THSD4: variants seen among roughly 807,000 people sequenced by gnomAD.
THSD4 encodes the protein thrombospondin type 1 domain containing 4.
A neutral mutation model predicts 119.0 loss-of-function variants in THSD4; 69 were observed. The observed-to-expected ratio is 0.58, with a 90% CI of 0.48 to 0.71. The LOEUF (loss-of-function observed/expected upper bound fraction) is 0.71. THSD4 is among the 30% of genes least tolerant of loss of function. The probability of loss-of-function intolerance (pLI) is 0.00; values close to 1 mark genes in which losing one functional copy is unlikely to be tolerated. For synonymous variants in THSD4, 524 were observed against 540.4 expected (o/e 0.97, Z 0.42); for missense variants, 1,393 against 1,391.1 (o/e 1.00, Z -0.02).
intron 8 of THSD4, among the ~76,000 whole-genome samples, chr15:71,678,251 G>C (rs1323713012): frequency 6.6e-6 from 1 of 152,230 alleles, no homozygotes; most frequent in Non-Finnish European, 1.5e-5. Flanking sequence ...TAAGCCCCAA[G>C]AAGAGATATC....
intron 6 of THSD4, among the ~76,000 whole-genome samples, chr15:71,334,413 T>TG: frequency 6.6e-6 from 1 of 152,180 alleles, no homozygotes; most frequent in African/African-American, 2.4e-5. Flanking sequence ...CAGAAGAATT[T>TG]GGGGATTCAG....
intron 4 of THSD4, among the ~76,000 whole-genome samples, chr15:71,224,501 G>A (rs1485468316): frequency 1.3e-5 from 2 of 152,244 alleles, no homozygotes; most frequent in African/African-American, 4.8e-5. Flanking sequence ...GGGTTAACTG[G>A]GGACTAAGGC....
rs191088894 is a variant in THSD4, at chr15:71,254,216, G to A, written c.913-2397G>A. Among the ~76,000 whole-genome samples, 239 of 152,318 alleles carry A rather than the reference G, an allele frequency of 1.6e-3. 1 individual carries two copies. Among genetic ancestry groups the A allele is most frequent in the African/African-American group, 5.1e-3 (211 of 41,578 alleles). ...TTTCTGCTACGAAGACCTGCGGCCC[G>A]GCAGCCGATCTCTAGTTCTGATTAT... On this transcript the variant is annotated intron_variant, in intron 5 of 17. Transcript: ENST00000261862.
At chr15:71,437,110 T>C (rs2047023161) in intron 7 of THSD4, among the ~76,000 whole-genome samples, 1 of 133,544 alleles carries the variant, frequency 7.5e-6, no homozygotes, top group South Asian at 2.4e-4. Flanking sequence ...CTTACAATTA[T>C]GGTGGAAGGT....
intron 6 of THSD4, among the ~76,000 whole-genome samples, chr15:71,346,291 A>G (rs1055272378): frequency 6.6e-6 from 1 of 152,214 alleles, no homozygotes; most frequent in East Asian, 1.9e-4. Context: ...TTTTGGCAGG[A>G]AAATAACAGA....
chr15:71,512,456 A>G (rs1196368897), intron 7 of THSD4, among the ~76,000 whole-genome samples: 1 of 152,260 alleles, frequency 6.6e-6, no homozygotes, highest in Non-Finnish European at 1.5e-5. Flanking sequence ...ACAGTAAAAC[A>G]TATATAATGG....
intron 7 of THSD4, among the ~76,000 whole-genome samples, chr15:71,505,130 G>T (rs1276113006): frequency 6.6e-6 from 1 of 152,162 alleles, no homozygotes; most frequent in Non-Finnish European, 1.5e-5. Flanking sequence ...TATTCATCTT[G>T]ATGAATCTTG....
At chr15:71,272,339 A>C (rs139776178) in intron 6 of THSD4, among the ~76,000 whole-genome samples, 1,763 of 145,942 alleles carry the variant, frequency 0.012, 36 homozygotes, top group African/African-American at 0.042. Context: ...TGGAGGTTAC[A>C]GTGAGCTGAG....
At chr15:71,724,287 A>ATATATATATATATATATATATATGTT in intron 8 of THSD4, among the ~76,000 whole-genome samples, 1 of 37,288 alleles carries the variant, frequency 2.7e-5, no homozygotes, top group African/African-American at 6.6e-5. Flanking sequence ...ATATATATAT[A>ATATATATATATATATATATATATGTT]TTTTTTTTTT....
intron 3 of THSD4, among the ~76,000 whole-genome samples, chr15:71,179,991 G>A (rs1043476417): frequency 2.1e-5 from 2 of 97,066 alleles, no homozygotes; most frequent in African/African-American, 7.9e-5. Context: ...GGGGACTGTG[G>A]TGGGGTCGGG....
chr15:71,451,500 C>T (rs1468732095), intron 7 of THSD4, among the ~76,000 whole-genome samples: 1 of 152,094 alleles, frequency 6.6e-6, no homozygotes, highest in East Asian at 1.9e-4. Context: ...TCTGCTGCTC[C>T]CCAAGTGCCT....
chr15:71,328,429 T>G (rs2045375087), intron 6 of THSD4, among the ~76,000 whole-genome samples: 1 of 152,232 alleles, frequency 6.6e-6, no homozygotes, highest in African/African-American at 2.4e-5. Flanking sequence ...GCCTAATGGT[T>G]CTGTTCCTCC....
rs368797229 is a variant in THSD4 at position 71,582,182 on chromosome 15, T to C, written c.1153-78348T>C. On this transcript the variant is annotated intron_variant, in intron 7 of 17. Transcript: ENST00000261862. ...TCTTCACTGTCTTTCTTCAATGTTT[T>C]ATAGTTTTCAGTGTACAGATCTTTT... Among the ~76,000 whole-genome samples the C allele has an allele frequency of 1.5e-4, 23 of 152,310 alleles. 1 individual carries two copies. The highest frequency in any genetic ancestry group is 3.3e-4 in the Admixed American group (5 of 15,304).
At chr15:71,764,726 G>C (rs1286333496) in intron 15 of THSD4, among the ~76,000 whole-genome samples, 1 of 152,184 alleles carries the variant, frequency 6.6e-6, no homozygotes, top group Non-Finnish European at 1.5e-5. Context: ...TCCTGCAGGA[G>C]AGTTTATGGT....
intron 8 of THSD4, among the ~76,000 whole-genome samples, chr15:71,713,546 T>G (rs2052554115): frequency 1.3e-5 from 2 of 152,226 alleles, no homozygotes; most frequent in African/African-American, 4.8e-5. Flanking sequence ...CCATCTAGCT[T>G]GAAAATAGAT....
In THSD4 at chr15:71,270,205, A is replaced by G. The variant is rs528402189; in HGVS notation, c.1015+13490A>G. Among the ~76,000 whole-genome samples the G allele has an allele frequency of 5.9e-5, 9 of 152,340 alleles. No individual in the cohort carries two copies. The East Asian group carries it at 1.7e-3, about 29-fold the overall frequency. On this transcript the variant is annotated intron_variant, in intron 6 of 17. Transcript: ENST00000261862. Reference sequence around the variant, plus strand: ...ACACTACCTGACTTCAAACTATACTACAAGGCTACAGTAACCAAAACAGCA... The same window carrying G: ...ACACTACCTGACTTCAAACTATACTGCAAGGCTACAGTAACCAAAACAGCA...
At chr15:71,686,320 T>C (rs954360228) in intron 8 of THSD4, among the ~76,000 whole-genome samples, 2 of 152,370 alleles carry the variant, frequency 1.3e-5, no homozygotes, top group African/African-American at 4.8e-5. Context: ...TGTTAATACC[T>C]GATTGTATTG....
chr15:71,415,039 T>C (rs938275779), intron 7 of THSD4, among the ~76,000 whole-genome samples: 12 of 152,262 alleles, frequency 7.9e-5, no homozygotes, highest in Non-Finnish European at 1.8e-4. Flanking sequence ...AGAATTCAAA[T>C]TGATTTCTCT....
At chr15:71,603,154 G>A (rs2050045120) in intron 7 of THSD4, among the ~76,000 whole-genome samples, 1 of 152,192 alleles carries the variant, frequency 6.6e-6, no homozygotes, top group Non-Finnish European at 1.5e-5. Context: ...TAGAACTGAT[G>A]TAGAGCTTTG....
Sources: allele counts gnomAD v4.1 joint callset (sites outside exome capture counted in the v4.1 genomes callset), GRCh38; gene constraint gnomAD v4.1.1; transcripts MANE v1.5; gene names NCBI Gene and HGNC (gene_info 2026-07-23, HGNC 2026-07-21).